Variants in SGCZ observed in about 807,000 individuals in gnomAD.
SGCZ encodes zeta-sarcoglycan.
A neutral mutation model predicts 41.3 loss-of-function variants in SGCZ; 40 were observed. The observed-to-expected ratio is 0.97, with a 90% confidence interval of 0.75 to 1.26. The LOEUF (loss-of-function observed/expected upper bound fraction) is 1.26, where lower values mean the gene tolerates loss of function less well. Among genes scored for constraint, SGCZ ranks in the 50% most tolerant of loss-of-function variants. SGCZ has a pLI of 0.00. For missense variants in SGCZ, 552 were observed against 369.8 expected (o/e 1.49, Z -4.04); for synonymous variants, 206 against 137.5 (o/e 1.50, Z -3.49).
At chr8:14,589,214 T>A (rs28538641) in intron 1 of SGCZ, among the ~76,000 whole-genome samples, 17,909 of 151,874 alleles carry the variant, frequency 0.12, 1,324 homozygotes, top group Non-Finnish European at 0.16. Context: ...GGTGTGCTGG[T>A]GCATGCCTAT....
chr8:14,951,356 A>G lies in SGCZ; in HGVS notation c.39+286229T>C, dbSNP rs1424337014. 2.6e-5 allele frequency among the ~76,000 whole-genome samples: 4 copies of G among 152,184 alleles called. No individual in the cohort carries two copies. In the East Asian group the frequency reaches 7.7e-4, roughly 29 times the overall value. ...TCTTGTATGTGAACTCAAGATTTCT[A>G]ATAACTGAATTTAAATCACTATAGT... On this transcript the variant is annotated intron_variant, in intron 1 of 7. Transcript: ENST00000382080.
chr8:14,845,352 A>G (rs1026449356), intron 1 of SGCZ, among the ~76,000 whole-genome samples: 1 of 152,226 alleles, frequency 6.6e-6, no homozygotes, highest in Non-Finnish European at 1.5e-5. Context: ...ATGTTTCTAC[A>G]TAACTCAGTT....
intron 2 of SGCZ, among the ~76,000 whole-genome samples, chr8:14,391,245 C>T (rs1804759454): frequency 6.6e-6 from 1 of 151,988 alleles, no homozygotes; most frequent in Non-Finnish European, 1.5e-5. Context: ...ACATTTATTC[C>T]CAAATAGGTT....
intron 1 of SGCZ, among the ~76,000 whole-genome samples, chr8:14,713,057 A>G (rs1809573665): frequency 6.6e-6 from 1 of 152,174 alleles, no homozygotes; most frequent in African/African-American, 2.4e-5. Context: ...AAAGTAATTA[A>G]CTAAGCACAA....
At chr8:15,124,710 AAATT>A (rs1313992671) in intron 1 of SGCZ, among the ~76,000 whole-genome samples, 1 of 152,214 alleles carries the variant, frequency 6.6e-6, no homozygotes, top group African/African-American at 2.4e-5. Flanking sequence ...TAATTTTTTA[AAATT>A]ATTATGAGGT....
chr8:14,465,811 G>C (rs1489245447), intron 2 of SGCZ, among the ~76,000 whole-genome samples: 1 of 151,676 alleles, frequency 6.6e-6, no homozygotes, highest in Non-Finnish European at 1.5e-5. Context: ...AGTTGTTGAT[G>C]ACACAGAATT....
At chr8:14,136,479 T>C (rs1255005488) in intron 5 of SGCZ, among the ~76,000 whole-genome samples, 1 of 152,144 alleles carries the variant, frequency 6.6e-6, no homozygotes, top group Admixed American at 6.5e-5. Context: ...TCTTAGCAAA[T>C]GGCACACCAG....
chr8:15,029,242 A>C (rs1803568768), intron 1 of SGCZ, among the ~76,000 whole-genome samples: 1 of 152,120 alleles, frequency 6.6e-6, no homozygotes, highest in Non-Finnish European at 1.5e-5. Context: ...GATTCTGACA[A>C]CCTTGACTTG....
At chr8:15,161,553 G>T (rs1799513022) in intron 1 of SGCZ, among the ~76,000 whole-genome samples, 1 of 152,124 alleles carries the variant, frequency 6.6e-6, no homozygotes, top group Non-Finnish European at 1.5e-5. Context: ...GGTGCTTAAT[G>T]GGTCTCTGTG....
intron 2 of SGCZ, among the ~76,000 whole-genome samples, chr8:14,534,285 T>C (rs1289686050): frequency 6.6e-6 from 1 of 151,922 alleles, no homozygotes; most frequent in Admixed American, 6.6e-5. Flanking sequence ...GAAGGGCTCA[T>C]TGGTGTTCAG....
At chr8:14,217,395 G>T (rs145757112) in intron 4 of SGCZ, among the ~76,000 whole-genome samples, 9 of 149,366 alleles carry the variant, frequency 6.0e-5, no homozygotes, top group African/African-American at 2.2e-4. Flanking sequence ...CTAAAGAAAC[G>T]CCTATTGTCA....
chr8:14,578,139 A>C (rs1279025005), intron 1 of SGCZ, among the ~76,000 whole-genome samples: 2 of 152,218 alleles, frequency 1.3e-5, no homozygotes, highest in Non-Finnish European at 2.9e-5. Context: ...AGCAATATGC[A>C]TGTTGGGAAT....
intron 3 of SGCZ, among the ~76,000 whole-genome samples, chr8:14,290,842 T>C (rs981435327): frequency 6.6e-6 from 1 of 152,122 alleles, no homozygotes; most frequent in Admixed American, 6.6e-5. Context: ...CTACTGCATA[T>C]ATTTTCAAAG....
intron 2 of SGCZ, among the ~76,000 whole-genome samples, chr8:14,529,746 T>C (rs1175430352): frequency 6.6e-6 from 1 of 152,124 alleles, no homozygotes; most frequent in Non-Finnish European, 1.5e-5. Flanking sequence ...TGTATGTCTA[T>C]CTTCCTCCTT....
rs948559973 is a variant in SGCZ at position 14,309,578 on chromosome 8, G to T, written c.336+14525C>A. On this transcript the variant is annotated intron_variant, in intron 3 of 7. Transcript: ENST00000382080. ...TACAGGGACGGTATAACAAGGAAAG[G>T]TTAGGACTTCATCCAAAGATAGTGA... The T allele has an allele frequency of 3.1e-6, 5 of 1,610,644 alleles. No individual in the cohort carries two copies. In the African/African-American group the frequency reaches 5.3e-5, roughly 17 times the overall value.
chr8:14,218,212 G>C (rs937257988), intron 4 of SGCZ, among the ~76,000 whole-genome samples: 1 of 152,014 alleles, frequency 6.6e-6, no homozygotes, highest in Non-Finnish European at 1.5e-5. Context: ...AGAAAGTAAA[G>C]AACATACAAA....
At chr8:14,795,374 C>T (rs1801089318) in intron 1 of SGCZ, among the ~76,000 whole-genome samples, 1 of 152,040 alleles carries the variant, frequency 6.6e-6, no homozygotes, top group Non-Finnish European at 1.5e-5. Context: ...ACTTCAATTT[C>T]TTCTGAGGGA....
At chr8:14,354,293 T>C (rs1191894408) in intron 2 of SGCZ, among the ~76,000 whole-genome samples, 1 of 151,866 alleles carries the variant, frequency 6.6e-6, no homozygotes, top group African/African-American at 2.4e-5. Context: ...CTAGAAATAA[T>C]CTGAAATTAA....
chr8:14,759,115 T>C (rs1799775497), intron 1 of SGCZ, among the ~76,000 whole-genome samples: 1 of 152,166 alleles, frequency 6.6e-6, no homozygotes, highest in African/African-American at 2.4e-5. Context: ...GCAATATATT[T>C]ATAAATACTG....
Sources: gnomAD v4.1 joint callset for allele counts (sites outside exome capture counted in the v4.1 genomes callset) on GRCh38, gnomAD v4.1.1 for gene constraint, MANE v1.5 for transcripts, NCBI Gene and HGNC (gene_info 2026-07-23, HGNC 2026-07-21) for gene names.